CLEC16A: variants seen among roughly 807,000 people sequenced by gnomAD.
The protein encoded by CLEC16A is C-type lectin domain containing 16A.
A neutral mutation model predicts 109.5 loss-of-function variants in CLEC16A; 51 were observed. That is an observed-to-expected ratio of 0.47 (90% CI 0.37 to 0.59). The LOEUF (loss-of-function observed/expected upper bound fraction) is 0.59. Among genes scored for constraint, CLEC16A ranks in the 20% least tolerant of loss-of-function variants. The pLI is 0.00. For missense variants in CLEC16A, 1,339 were observed against 1,394.0 expected (o/e 0.96, Z 0.63); for synonymous variants, 673 against 564.2 (o/e 1.19, Z -2.73).
At chr16:11,168,344 G>A (rs74951865) in intron 23 of CLEC16A, among the ~76,000 whole-genome samples, 1 of 152,140 alleles carries the variant, frequency 6.6e-6, no homozygotes, top group Non-Finnish European at 1.5e-5. Flanking sequence ...CTATTAACTT[G>A]GCTGTCAGGT....
chr16:11,048,977 G>C (rs1354028501), intron 17 of CLEC16A, among the ~76,000 whole-genome samples: 1 of 151,822 alleles, frequency 6.6e-6, no homozygotes, highest in African/African-American at 2.4e-5. Flanking sequence ...ATGCAACCTT[G>C]AGTGCATTGC....
chr16:11,015,494 AG>A (rs2045691028), intron 11 of CLEC16A, among the ~76,000 whole-genome samples: 1 of 152,196 alleles, frequency 6.6e-6, no homozygotes, highest in African/African-American at 2.4e-5. Flanking sequence ...AATTCCAGAA[AG>A]GGGCCTCATG....
In CLEC16A at chr16:11,003,381, C is replaced by T. The variant is rs989119240; in HGVS notation, c.1303+76C>T. 1.3e-5 allele frequency: 15 copies of T among 1,172,412 alleles called. No individual in the cohort carries two copies. In the African/African-American group the frequency reaches 2.0e-4, roughly 16 times the overall value. 72.6% of individuals were successfully genotyped at this position (1,172,412 alleles called of 1,614,324 possible). On this transcript the variant is annotated intron_variant, in intron 11 of 23. Coordinates refer to ENST00000409790, the MANE Select transcript of CLEC16A (RefSeq NM_015226.3). ...CCAGCGAGGCTGCCACCTGTGCCCT[C>T]TCCACCCAGACTTCTGCTCCCCACA...
At chr16:11,011,256 T>A (rs897946567) in intron 11 of CLEC16A, among the ~76,000 whole-genome samples, 1 of 152,264 alleles carries the variant, frequency 6.6e-6, no homozygotes, top group African/African-American at 2.4e-5. Flanking sequence ...AAGATGATTT[T>A]CCACGTTCAA....
chr16:11,171,099 C>T (rs904191860), intron 23 of CLEC16A, among the ~76,000 whole-genome samples: 9 of 152,330 alleles, frequency 5.9e-5, no homozygotes, highest in South Asian at 2.1e-4. Context: ...CAAATGCAGA[C>T]GGGCCGTGGG....
At chr16:11,055,575 CTTTTTTTTT>C (rs71136609) in intron 18 of CLEC16A, among the ~76,000 whole-genome samples, 15 of 41,754 alleles carry the variant, frequency 3.6e-4, no homozygotes, top group African/African-American at 9.7e-4. Context: ...TTCCCTCTTG[CTTTTTTTTT>C]TTTTTTTTTT....
intron 23 of CLEC16A, among the ~76,000 whole-genome samples, chr16:11,171,967 C>T (rs1168300768): frequency 6.6e-6 from 1 of 151,944 alleles, no homozygotes; most frequent in Non-Finnish European, 1.5e-5. Context: ...TAGTCACACT[C>T]CCACACATAC....
At chr16:11,144,941 G>C (rs2053990007) in intron 22 of CLEC16A, among the ~76,000 whole-genome samples, 1 of 152,140 alleles carries the variant, frequency 6.6e-6, no homozygotes, top group Non-Finnish European at 1.5e-5. Context: ...TGGTGTCCTG[G>C]GGCTAACTCA....
intron 19 of CLEC16A, among the ~76,000 whole-genome samples, chr16:11,086,584 C>G (rs779854629): frequency 6.6e-6 from 1 of 152,032 alleles, no homozygotes; most frequent in Non-Finnish European, 1.5e-5. Flanking sequence ...CTCTTGTTGC[C>G]CAGGCTGGAG....
intron 22 of CLEC16A, among the ~76,000 whole-genome samples, chr16:11,163,811 C>T (rs535004576): frequency 1.2e-4 from 18 of 152,328 alleles, no homozygotes; most frequent in Admixed American, 6.5e-4. Flanking sequence ...AATCCCAACT[C>T]TGTTACTACA....
chr16:11,060,399 C>G (rs1356239601), intron 18 of CLEC16A, among the ~76,000 whole-genome samples: 1 of 152,250 alleles, frequency 6.6e-6, no homozygotes, highest in Non-Finnish European at 1.5e-5. Context: ...CCTCTTCTGT[C>G]TGCCCCACCC....
At chr16:10,980,440 A>G (rs950608870) in intron 9 of CLEC16A, among the ~76,000 whole-genome samples, 5 of 151,884 alleles carry the variant, frequency 3.3e-5, no homozygotes, top group African/African-American at 1.2e-4. Context: ...TGAGATTCTG[A>G]GAGTCCAACA....
intron 10 of CLEC16A, among the ~76,000 whole-genome samples, chr16:10,985,197 C>A (rs2043557991): frequency 1.1e-5 from 1 of 91,790 alleles, no homozygotes; most frequent in Non-Finnish European, 1.9e-5. Context: ...AGCAAGACTC[C>A]ATCTCAAAAA....
chr16:11,134,370 C>T (rs1004536755), intron 22 of CLEC16A, among the ~76,000 whole-genome samples: 30 of 152,026 alleles, frequency 2.0e-4, no homozygotes, highest in African/African-American at 6.0e-4. Flanking sequence ...TTTATATGCA[C>T]AAATTCTATC....
intron 1 of CLEC16A, among the ~76,000 whole-genome samples, chr16:10,956,456 A>G (rs181658840): frequency 1.2e-4 from 18 of 152,288 alleles, no homozygotes; most frequent in Non-Finnish European, 2.2e-4. Context: ...GAAGTTAGCC[A>G]TAAAAGAAAT....
In CLEC16A at chr16:11,020,057, C is replaced by A. The variant is rs1025623017; in HGVS notation, c.1304-136C>A. ...TCCACCCCAGTGTGTCTCTGGTGTTCAGGTCGCTGCTGTCGGACATGTGCT... is the reference window on the plus strand; with the variant it reads ...TCCACCCCAGTGTGTCTCTGGTGTTAAGGTCGCTGCTGTCGGACATGTGCT... On this transcript the variant is annotated intron_variant, in intron 11 of 23. Coordinates refer to ENST00000409790, the MANE Select transcript of CLEC16A (RefSeq NM_015226.3). 3.4e-4 allele frequency: 324 copies of A among 956,124 alleles called. 1 individual carries two copies. The highest frequency in any genetic ancestry group is 9.4e-4 in the East Asian group (33 of 35,034). 59.2% of individuals were successfully genotyped at this position (956,124 alleles called of 1,614,324 possible).
intron 22 of CLEC16A, among the ~76,000 whole-genome samples, chr16:11,131,962 G>A (rs958374888): frequency 1.4e-4 from 21 of 152,186 alleles, no homozygotes; most frequent in African/African-American, 5.1e-4. Context: ...CCCTCTGCAT[G>A]GCTGGTTCCT....
intron 22 of CLEC16A, among the ~76,000 whole-genome samples, chr16:11,159,214 C>G (rs2054635182): frequency 6.6e-6 from 1 of 152,242 alleles, no homozygotes; most frequent in Non-Finnish European, 1.5e-5. Context: ...CTACCAGGCC[C>G]TGCCATCTCC....
chr16:11,051,860 A>G (rs902453965), intron 18 of CLEC16A, among the ~76,000 whole-genome samples: 2 of 152,230 alleles, frequency 1.3e-5, no homozygotes, highest in African/African-American at 4.8e-5. Flanking sequence ...TCTGGCACCC[A>G]GTGTTGGCTG....
Sources: allele counts gnomAD v4.1 joint callset (sites outside exome capture counted in the v4.1 genomes callset), GRCh38; gene constraint gnomAD v4.1.1; transcripts MANE v1.5; gene names NCBI Gene and HGNC (gene_info 2026-07-23, HGNC 2026-07-21).